Variants in C16orf96 observed in about 807,000 individuals in gnomAD.
C16orf96 encodes the protein uncharacterized protein C16orf96.
A neutral mutation model predicts 103.6 loss-of-function variants in C16orf96; 108 were observed. The observed-to-expected ratio is 1.04, with a 90% CI of 0.89 to 1.22. The LOEUF is 1.22. C16orf96 is among the 50% of genes most tolerant of loss of function. The pLI is 0.00. For synonymous variants in C16orf96, 566 were observed against 593.5 expected (o/e 0.95, Z 0.67); for missense variants, 1,586 against 1,464.2 (o/e 1.08, Z -1.36).
At chr16:4,592,262 T>C in intron 10 of C16orf96, 43 bp from the exon 11 acceptor site, 1 of 1,550,606 alleles carries the variant, frequency 6.4e-7, no homozygotes, top group South Asian at 1.2e-5. Flanking sequence ...ACACATGGCC[T>C]GGGCCCAGCA....
At position 4,575,461 on chromosome 16, in the gene C16orf96, G is replaced by A; in HGVS notation, c.981G>A (p.Gly327=). Reference sequence around the variant, plus strand: ...GGTGCACAACTGAATTTGCACCTGGGCCTGCACCTGGGACTGAACCTGTGC... The same window carrying A: ...GGTGCACAACTGAATTTGCACCTGGACCTGCACCTGGGACTGAACCTGTGC... ...APGCTTEFAP[G]PAPGTEPVPG... is the part of the protein sequence containing the mutation. The change falls in exon 5 of 16, where the codon GGG becomes GGA. Residue 327 remains glycine (G), a synonymous_variant. Transcript: ENST00000444310. 1 of 1,548,508 alleles carries A rather than the reference G, an allele frequency of 6.5e-7. No individual in the cohort carries two copies. Among genetic ancestry groups the A allele is most frequent in the Non-Finnish European group, 8.7e-7 (1 of 1,146,950 alleles).
At chr16:4,544,034 A>C in the C16orf96 span, among the ~76,000 whole-genome samples, 1 of 152,130 alleles carries the variant, frequency 6.6e-6, no homozygotes, top group African/African-American at 2.4e-5. Context: ...GGGCTCTAGG[A>C]TGGATCCAGA....
chr16:4,553,305 C>T (rs2059238742), upstream of C16orf96, among the ~76,000 whole-genome samples: 1 of 152,208 alleles, frequency 6.6e-6, no homozygotes, highest in Non-Finnish European at 1.5e-5. Context: ...AAGGCGTTTT[C>T]CTGGACTCTT....
At chr16:4,580,310 A>ACCCCCCCCCC (rs150403662) in intron 7 of C16orf96, among the ~76,000 whole-genome samples, 185 bp downstream of exon 7, 197 of 104,516 alleles carry the variant, frequency 1.9e-3, no homozygotes, top group South Asian at 3.1e-3. Context: ...GAATCCCACC[A>ACCCCCCCCCC]CCCCCCCCCA....
At chr16:4,552,209 C>T (rs568855597), upstream of C16orf96, among the ~76,000 whole-genome samples, 10 of 152,128 alleles carry the variant, frequency 6.6e-5, no homozygotes, top group African/African-American at 1.9e-4. Context: ...TGGCCGGGCG[C>T]GGTGGCTCAC....
At chr16:4,578,288 A>G (rs1234143306) in intron 5 of C16orf96, among the ~76,000 whole-genome samples, 1 of 151,892 alleles carries the variant, frequency 6.6e-6, no homozygotes, top group Non-Finnish European at 1.5e-5. Context: ...GACTAGAGGC[A>G]TGTGCCACCA....
In C16orf96 at chr16:4,576,405, C is replaced by T. The variant is rs1424444356; in HGVS notation, c.1925C>T (p.Ser642Phe). The T allele has an allele frequency of 1.3e-6, 2 of 1,551,140 alleles. No individual in the cohort carries two copies. The highest frequency in any genetic ancestry group is 1.7e-6 in the Non-Finnish European group (2 of 1,147,014). ...ATESQILGDD[S>F]EIYEILSPSY... is the part of the protein sequence containing the mutation. ...GAATCCCAGATCTTGGGCGATGATT[C>T]CGAAATCTACGAAATCCTCTCTCCC... The change falls in exon 5 of 16, where the codon TCC becomes TTC. Residue 642 changes from serine to phenylalanine, a missense_variant. Coordinates refer to ENST00000444310, the MANE Select transcript of C16orf96 (RefSeq NM_001145011.2).
chr16:4,596,661 G>A lies in C16orf96; in HGVS notation c.3127+1858G>A, dbSNP rs986149449. ...CTCACCACTGCACTCCAGCCTGGGC[G>A]ACAGAGCCAGGCCCTGTCTCAAAAA... On this transcript the variant is annotated intron_variant, in intron 14 of 15. Coordinates refer to ENST00000444310, the MANE Select transcript of C16orf96 (RefSeq NM_001145011.2). Among the ~76,000 whole-genome samples, 16 of 147,230 alleles carry A rather than the reference G, an allele frequency of 1.1e-4. 1 individual carries two copies. Among genetic ancestry groups the A allele is most frequent in the African/African-American group, 3.0e-4 (12 of 40,264 alleles).
At chr16:4,542,757 A>G in the C16orf96 span, among the ~76,000 whole-genome samples, 2 of 152,214 alleles carry the variant, frequency 1.3e-5, no homozygotes, top group Non-Finnish European at 2.9e-5. Context: ...AGATCACACC[A>G]TTGCACTCCA....
chr16:4,549,603 G>C, the C16orf96 span, among the ~76,000 whole-genome samples: 1 of 151,672 alleles, frequency 6.6e-6, no homozygotes. Flanking sequence ...TTCAAAACCA[G>C]CCTGGCCAAC....
chr16:4,568,917 A>G (rs1247174282), intron 1 of C16orf96, among the ~76,000 whole-genome samples: 1 of 152,024 alleles, frequency 6.6e-6, no homozygotes, highest in Non-Finnish European at 1.5e-5. Context: ...GATGTGAGCC[A>G]CTGCACCCAG....
At chr16:4,557,160 G>A (rs1401231585) in intron 1 of C16orf96, among the ~76,000 whole-genome samples, 5 of 152,180 alleles carry the variant, frequency 3.3e-5, no homozygotes, top group Admixed American at 1.3e-4. Context: ...AGTAGAGATG[G>A]GGTTTCACTA....
chr16:4,571,995 A>T (rs1010502930), intron 2 of C16orf96, among the ~76,000 whole-genome samples: 11 of 151,572 alleles, frequency 7.3e-5, no homozygotes, highest in Admixed American at 5.9e-4. Flanking sequence ...GATTACAGGC[A>T]CGCACCACCA....
At chr16:4,577,145 C>G (rs1596526768) in intron 5 of C16orf96, among the ~76,000 whole-genome samples, 2 of 151,874 alleles carry the variant, frequency 1.3e-5, no homozygotes, top group Non-Finnish European at 2.9e-5. Flanking sequence ...GAGCCAAGAT[C>G]ATGCCATTGC....
upstream of C16orf96, among the ~76,000 whole-genome samples, chr16:4,554,590 C>T (rs1432591617): frequency 6.6e-6 from 1 of 151,874 alleles, no homozygotes; most frequent in African/African-American, 2.4e-5. Context: ...CTTCTGACCT[C>T]GTGATCTGCC....
intron 1 of C16orf96, among the ~76,000 whole-genome samples, chr16:4,558,337 C>T (rs972083738): frequency 1.1e-4 from 16 of 152,152 alleles, no homozygotes; most frequent in African/African-American, 3.4e-4. Flanking sequence ...GAAAATAAGC[C>T]GAGCACAGTG....
intron 9 of C16orf96, 151 bp from the exon 10 acceptor site, chr16:4,591,515 T>A: frequency 1.5e-6 from 1 of 652,954 alleles, no homozygotes; most frequent in Non-Finnish European, 2.8e-6. Flanking sequence ...ATCGAAGCTG[T>A]GTCATTTTCC....
At chr16:4,592,538 A>C (rs1353364626) in intron 11 of C16orf96, among the ~76,000 whole-genome samples, 171 bp downstream of exon 11, 1 of 151,830 alleles carries the variant, frequency 6.6e-6, no homozygotes, top group Non-Finnish European at 1.5e-5. Flanking sequence ...ACCATTCTCT[A>C]TGCACCAGGT....
intron 5 of C16orf96, among the ~76,000 whole-genome samples, chr16:4,577,003 C>G (rs1240092580): frequency 3.3e-5 from 5 of 151,994 alleles, no homozygotes; most frequent in Admixed American, 1.3e-4. Flanking sequence ...ATGAGCCTGA[C>G]CAACATGGAG....
Sources: gnomAD v4.1 joint callset for allele counts (sites outside exome capture counted in the v4.1 genomes callset) on GRCh38, gnomAD v4.1.1 for gene constraint, MANE v1.5 for transcripts, NCBI Gene and HGNC (gene_info 2026-07-23, HGNC 2026-07-21) for gene names.